Variants in ADGRB2 observed in about 807,000 individuals in gnomAD.
ADGRB2 encodes brain-specific angiogenesis inhibitor 2.
A neutral mutation model predicts 178.7 loss-of-function variants in ADGRB2; 47 were observed. The ratio of observed to expected loss-of-function variants is 0.26; its 90% CI spans 0.21 to 0.34. ADGRB2 has a LOEUF of 0.34. Among genes scored for constraint, ADGRB2 ranks in the 10% least tolerant of loss-of-function variants. ADGRB2 has a pLI of 1.00. For missense variants in ADGRB2, 1,584 were observed against 2,180.8 expected (o/e 0.73, Z 5.45); for synonymous variants, 870 against 912.4 (o/e 0.95, Z 0.84).
Position 31,743,020 on chromosome 1 carries a change from G to T in ADGRB2, c.1088-18C>A. The T allele has an allele frequency of 7.1e-7, 1 of 1,408,706 alleles. No homozygotes were observed. Among genetic ancestry groups the T allele is most frequent in the Non-Finnish European group, 9.3e-7 (1 of 1,076,316 alleles). 87.3% of individuals were successfully genotyped at this position (1,408,706 alleles called of 1,614,324 possible). A position where few individuals can be genotyped will look rare whatever the true frequency, so the allele number is the denominator to read the frequency against. Reference sequence around the variant, plus strand: ...GCCGTGCACTGCAAGGAAGCACGTGGCCGGTGGCTGGGCGGCACCATGGCC... The same window carrying T: ...GCCGTGCACTGCAAGGAAGCACGTGTCCGGTGGCTGGGCGGCACCATGGCC... On this transcript the variant is annotated intron_variant, in intron 6 of 32. Transcript: ENST00000373658.
rs771792001 is a variant in ADGRB2 at position 31,740,323 on chromosome 1, G to T, written c.1989+24C>A. ...TCAGTTTGGGCCTTCTCCACCCTCC[G>T]CCCTCCTTCCTCCTAGGCAGTACCT... On this transcript the variant is annotated intron_variant, in intron 12 of 32. Transcript: ENST00000373658. This position sits in a 1 kb window ranked among gnomAD's most constrained non-coding sequence, Gnocchi z 5.9. 2.5e-6 allele frequency: 4 copies of T among 1,606,192 alleles called. No homozygotes were observed. Among genetic ancestry groups the T allele is most frequent in the Admixed American group, 1.7e-5 (1 of 59,614 alleles).
rs780425311 is a variant in ADGRB2, at chr1:31,741,927, C to T, written c.1458G>A (p.Leu486=). 1 of 1,606,814 alleles carries T rather than the reference C, an allele frequency of 6.2e-7. No individual in the cohort carries two copies. Among genetic ancestry groups the T allele is most frequent in the East Asian group, 2.2e-5 (1 of 44,680 alleles). The part of the protein sequence containing the change: ...SKWGPWNAWS[L]CSKTCDTGWQ... ...AGCCTGTGTCACACGTCTTAGAGCA[C>T]AGGCTCCACGCATTCCATGGCCCCC... Residue 486 remains leucine (L), a synonymous_variant, in exon 9 of 33, where the codon CTG becomes CTA. Transcript: ENST00000373658. This position sits in a 1 kb window ranked among gnomAD's most constrained non-coding sequence, Gnocchi z 6.5.
At chr1:31,731,927 G>A (rs1645307102) in intron 28 of ADGRB2, among the ~76,000 whole-genome samples, 188 bp downstream of exon 28, 1 of 152,206 alleles carries the variant, frequency 6.6e-6, no homozygotes, top group African/African-American at 2.4e-5. Flanking sequence ...GGCTTAGAGA[G>A]GCAGGTTGTT....
At position 31,727,779 on chromosome 1, in the gene ADGRB2, C is replaced by T; in HGVS notation, c.4573-174G>A. The T allele has an allele frequency of 1.1e-6, 1 of 879,642 alleles. No individual in the cohort carries two copies. The highest frequency in any genetic ancestry group is 1.9e-5 in the South Asian group (1 of 53,156). 54.5% of individuals were successfully genotyped at this position (879,642 alleles called of 1,614,324 possible). ...CTGGTTCCAGGGTGGGGCTCCTGAC[C>T]CCTGTTCTCAGTGGCCCCCAGGACA... On this transcript the variant is annotated intron_variant, in intron 32 of 32. Coordinates refer to ENST00000373658, the MANE Select transcript of ADGRB2 (RefSeq NM_001364857.2). The surrounding 1 kb of genome is among the most constrained non-coding windows in gnomAD (Gnocchi z 4.4).
At position 31,759,443 on chromosome 1, in the gene ADGRB2, T is replaced by G; in HGVS notation, c.-190-1932A>C. On this transcript the variant is annotated intron_variant, in intron 1 of 32. Coordinates refer to ENST00000373658, the MANE Select transcript of ADGRB2 (RefSeq NM_001364857.2). The surrounding 1 kb of genome is among the most constrained non-coding windows in gnomAD (Gnocchi z 4.3). ...CTCCCCTACCCTGCTCCTAGGCTGC[T>G]GCTCCCTACTCCACAGCCCCGCCCC... is the stretch of plus-strand genomic sequence containing the variant. 1 of 770,750 alleles carries G rather than the reference T, an allele frequency of 1.3e-6. No individual in the cohort carries two copies. The highest frequency in any genetic ancestry group is 1.4e-5 in the South Asian group (1 of 73,624). 47.7% of individuals were successfully genotyped at this position (770,750 alleles called of 1,614,324 possible).
chr1:31,728,504 T>G lies in ADGRB2; in HGVS notation c.4416+94A>C. On this transcript the variant is annotated intron_variant, in intron 30 of 32. Transcript: ENST00000373658. The surrounding 1 kb of genome is among the most constrained non-coding windows in gnomAD (Gnocchi z 6.7). ...GGCTTGGGCTCCTGGGGTCAGGCTCTGCAACAGAGCTTGGACTACTTTTAG... is the reference window on the plus strand; with the variant it reads ...GGCTTGGGCTCCTGGGGTCAGGCTCGGCAACAGAGCTTGGACTACTTTTAG... 2.5e-6 allele frequency: 4 copies of G among 1,580,746 alleles called. No individual in the cohort carries two copies. The highest frequency in any genetic ancestry group is 3.5e-6 in the Non-Finnish European group (4 of 1,150,184).
chr1:31,741,970 G>A lies in ADGRB2; in HGVS notation c.1418-3C>T, dbSNP rs769319276. Reference sequence around the variant, plus strand: ...TGGCCCCCACTTGCTATCAGTGGCTGTGGGAGAGGTGAGGCATATGAGTGG... The same window carrying A: ...TGGCCCCCACTTGCTATCAGTGGCTATGGGAGAGGTGAGGCATATGAGTGG... On this transcript the variant is annotated splice_polypyrimidine_tract_variant and splice_region_variant and intron_variant, in intron 8 of 32. Coordinates refer to ENST00000373658, the MANE Select transcript of ADGRB2 (RefSeq NM_001364857.2). This position sits in a 1 kb window ranked among gnomAD's most constrained non-coding sequence, Gnocchi z 6.5. 1 of 1,586,908 alleles carries A rather than the reference G, an allele frequency of 6.3e-7. No individual in the cohort carries two copies. The highest frequency in any genetic ancestry group is 8.6e-7 in the Non-Finnish European group (1 of 1,162,110).
At position 31,756,813 on chromosome 1, in the gene ADGRB2, G is replaced by A; in HGVS notation, c.24C>T (p.Gly8=). MENTGWM[G]KGHRMTPACP... The stretch of plus-strand genomic sequence containing the variant: ...AGGCTGGGGTCATCCTATGTCCCTT[G>A]CCCTGTGGAGAGAGACAGTGGTCAG... The change falls in exon 4 of 33, where the codon GGC becomes GGT. Residue 8 remains glycine (G), a splice_region_variant and synonymous_variant. Transcript: ENST00000373658. The surrounding 1 kb of genome is among the most constrained non-coding windows in gnomAD (Gnocchi z 8.5). 6.8e-7 allele frequency: 1 copy of A among 1,464,304 alleles called. No individual in the cohort carries two copies. Among genetic ancestry groups the A allele is most frequent in the Non-Finnish European group, 9.0e-7 (1 of 1,105,016 alleles). 90.7% of individuals were successfully genotyped at this position (1,464,304 alleles called of 1,614,324 possible).
At chr1:31,736,894 C>T (rs115069778) in intron 20 of ADGRB2, among the ~76,000 whole-genome samples, 171 bp from the exon 21 acceptor site, 3,373 of 152,266 alleles carry the variant, frequency 0.022, 56 homozygotes, top group Non-Finnish European at 0.036. Flanking sequence ...CAGCACGACA[C>T]GGGCCTGGTG....
intron 20 of ADGRB2, 30 bp from the exon 21 acceptor site, chr1:31,736,753 C>T (rs768078122): frequency 6.2e-7 from 1 of 1,603,148 alleles, no homozygotes; most frequent in Non-Finnish European, 8.5e-7. Context: ...GAGGGAGTGG[C>T]CCTGAGCAGC....
At chr1:31,763,032 C>G (rs1284470720) in intron 1 of ADGRB2, among the ~76,000 whole-genome samples, 1 of 152,240 alleles carries the variant, frequency 6.6e-6, no homozygotes, top group African/African-American at 2.4e-5. Context: ...CAACCCCCTC[C>G]GGATCATGCC....
At chr1:31,732,845 G>T in intron 26 of ADGRB2, 127 bp downstream of exon 26, 1 of 1,320,790 alleles carries the variant, frequency 7.6e-7, no homozygotes, top group Non-Finnish European at 1.0e-6. Context: ...TCCACAGTAA[G>T]GGCTGCCCAG....
Position 31,728,410 on chromosome 1 carries a change from T to G in ADGRB2, c.4417-130A>C, listed in dbSNP as rs889898091. The G allele has an allele frequency of 1.5e-6, 2 of 1,313,660 alleles. No individual in the cohort carries two copies. Among genetic ancestry groups the G allele is most frequent in the African/African-American group, 1.5e-5 (1 of 68,702 alleles). 81.4% of individuals were successfully genotyped at this position (1,313,660 alleles called of 1,614,324 possible). Reference sequence around the variant, plus strand: ...CAGCCCCTCTGGGACAAGACCTAGTTCTCTCTTCACGTTGGTGCTATGGGC... The same window carrying G: ...CAGCCCCTCTGGGACAAGACCTAGTGCTCTCTTCACGTTGGTGCTATGGGC... On this transcript the variant is annotated intron_variant, in intron 30 of 32. Transcript: ENST00000373658. This position sits in a 1 kb window ranked among gnomAD's most constrained non-coding sequence, Gnocchi z 6.7.
chr1:31,738,240 A>AGGTGCT lies in ADGRB2; in HGVS notation c.2726_2731dup (p.Gln909_His910dup). The AGGTGCT allele has an allele frequency of 6.2e-7, 1 of 1,614,132 alleles. No individual in the cohort carries two copies. Among genetic ancestry groups the AGGTGCT allele is most frequent in the Non-Finnish European group, 8.5e-7 (1 of 1,180,004 alleles). Reference sequence around the variant, plus strand: ...CTGGGCTAGTACAGCAAAGGTGGACAGGTGCTGGCACTGGCAGCGGGTGTG... The same window carrying AGGTGCT: ...CTGGGCTAGTACAGCAAAGGTGGACAGGTGCTGGTGCTGGCACTGGCAGCGGGTGTG... On this transcript the variant is annotated inframe_insertion, in exon 18 of 33. Coordinates refer to ENST00000373658, the MANE Select transcript of ADGRB2 (RefSeq NM_001364857.2).
Position 31,754,752 on chromosome 1 carries a change from C to A in ADGRB2, c.838+1247G>T, listed in dbSNP as rs1373084292. 6.6e-6 allele frequency among the ~76,000 whole-genome samples: 1 copy of A among 152,178 alleles called. No individual in the cohort carries two copies. Among genetic ancestry groups the A allele is most frequent in the African/African-American group, 2.4e-5 (1 of 41,440 alleles). ...GTTAGGCTACTTTCAAGATAACTAC[C>A]CCCTCTAATTAATTCAGGGATACCT... On this transcript the variant is annotated intron_variant, in intron 4 of 32. Coordinates refer to ENST00000373658, the MANE Select transcript of ADGRB2 (RefSeq NM_001364857.2). The surrounding 1 kb of genome is among the most constrained non-coding windows in gnomAD (Gnocchi z 5.7).
In ADGRB2 at chr1:31,763,970, G is replaced by C. The variant is rs141137595; in HGVS notation, c.-277C>G. ...GTTTGCCATCCCTAAGTCGGGGACC[G>C]GGCCGGGCGCAGGGTAGGTAGCTGC... On this transcript the variant is annotated 5_prime_UTR_variant, in exon 1 of 33. Transcript: ENST00000373658. 8 of 984,746 alleles carry C rather than the reference G, an allele frequency of 8.1e-6. No individual in the cohort carries two copies. In the Admixed American group the frequency reaches 2.5e-4, roughly 30 times the overall value. 61.0% of individuals were successfully genotyped at this position (984,746 alleles called of 1,614,324 possible).
rs199700178 is a variant in ADGRB2, at chr1:31,727,625, G to A, written c.4573-20C>T. 2.0e-6 allele frequency: 3 copies of A among 1,486,872 alleles called. No homozygotes were observed. The highest frequency in any genetic ancestry group is 5.2e-5 in the Admixed American group (2 of 38,332). 92.1% of individuals were successfully genotyped at this position (1,486,872 alleles called of 1,614,324 possible). On this transcript the variant is annotated intron_variant, in intron 32 of 32. Transcript: ENST00000373658. The surrounding 1 kb of genome is among the most constrained non-coding windows in gnomAD (Gnocchi z 4.4). ...CTTATCCTGTGGAGGGAGCGGGAGG[G>A]GCCGTGGAGATGGGCCAATATCCTT...
At position 31,759,858 on chromosome 1, in the gene ADGRB2, G is replaced by A. The variant is rs1289461697; in HGVS notation, c.-190-2347C>T. Among the ~76,000 whole-genome samples the A allele has an allele frequency of 6.6e-6, 1 of 152,126 alleles. No homozygotes were observed. The highest frequency in any genetic ancestry group is 2.4e-5 in the African/African-American group (1 of 41,408). ...TAGAAGGATGATCCTTGCCTCACAG[G>A]CAGCCCAAGTGGCTCTTAGTCATGA... On this transcript the variant is annotated intron_variant, in intron 1 of 32. Transcript: ENST00000373658. The surrounding 1 kb of genome is among the most constrained non-coding windows in gnomAD (Gnocchi z 4.3).
intron 3 of ADGRB2, 79 bp downstream of exon 3, chr1:31,757,122 C>T: frequency 6.2e-7 from 1 of 1,605,260 alleles, no homozygotes; most frequent in South Asian, 1.1e-5. Flanking sequence ...GTTGTTGTTG[C>T]CATCGTTCTG....
Sources: allele counts gnomAD v4.1 joint callset (sites outside exome capture counted in the v4.1 genomes callset), GRCh38; gene constraint gnomAD v4.1.1; non-coding constraint Gnocchi (gnomAD v3.1); transcripts MANE v1.5; gene names NCBI Gene and HGNC (gene_info 2026-07-23, HGNC 2026-07-21).